The following ZNF48 variants were observed in gnomAD, a reference collection of about 807,000 sequenced individuals.
The protein encoded by ZNF48 is zinc finger protein 48.
Under a neutral mutation model 40.0 loss-of-function variants are expected in ZNF48, and 20 were observed. The observed-to-expected ratio is 0.50, with a 90% CI of 0.35 to 0.73. ZNF48 has a LOEUF of 0.73. Among genes scored for constraint, ZNF48 ranks in the 30% least tolerant of loss-of-function variants. ZNF48 has a pLI of 0.01. For missense variants in ZNF48, 726 were observed against 851.9 expected, an observed-to-expected ratio of 0.85 and a Z score of 1.84; for synonymous variants, 298 against 329.7, an observed-to-expected ratio of 0.90 and a Z score of 1.04.
chr16:30,378,541 G>A, intron 1 of ZNF48: 1 of 1,601,222 alleles, frequency 6.2e-7, no homozygotes, highest in Non-Finnish European at 8.5e-7. Context: ...CGAGATTGCA[G>A]GCGGTGACCT....
rs201797355 is a variant in ZNF48 at position 30,382,274 on chromosome 16, C to T, written c.-16+3864C>T. The T allele has an allele frequency of 5.3e-5, 85 of 1,613,548 alleles. No homozygotes were observed. The highest frequency in any genetic ancestry group is 6.6e-5 in the Non-Finnish European group (78 of 1,179,716). On this transcript the variant is annotated intron_variant, in intron 1 of 2. Transcript: ENST00000528032. This position sits in a 1 kb window ranked among gnomAD's most constrained non-coding sequence, Gnocchi z 4.8. The stretch of plus-strand genomic sequence containing the variant: ...CAGTTCCCTCTCCAAAACCCCCAGA[C>T]CTGCCACCATTAGCGTGAAGTCAAA...
chr16:30,378,847 A>AGAGAGG lies in ZNF48; in HGVS notation c.-16+439_-16+444dup, dbSNP rs1555499278. ...AGGGCCGGAGGCAAAGCGGGTGGGGAGAGAGGGGGAGAGAGGGAGAGACGG... is the reference window on the plus strand; with the variant it reads ...AGGGCCGGAGGCAAAGCGGGTGGGGAGAGAGGGAGAGGGGGAGAGAGGGAGAGACGG... On this transcript the variant is annotated intron_variant, in intron 1 of 2. Transcript: ENST00000528032. 4.3e-5 allele frequency: 23 copies of AGAGAGG among 531,108 alleles called. No homozygotes were observed. In the East Asian group the frequency reaches 6.1e-4, roughly 14 times the overall value. 32.9% of individuals were successfully genotyped at this position (531,108 alleles called of 1,614,324 possible).
chr16:30,395,686 C>T lies in ZNF48; in HGVS notation c.-15-94C>T, dbSNP rs2049976652. On this transcript the variant is annotated intron_variant, in intron 1 of 2. Coordinates refer to ENST00000613509, the MANE Select transcript of ZNF48 (RefSeq NM_001214909.2). This position sits in a 1 kb window ranked among gnomAD's most constrained non-coding sequence, Gnocchi z 5.9. Reference sequence around the variant, plus strand: ...CCCGTACCTGGGACCCGACGCCGCCCGGTGCCCGCGCTGGCCGGCAGAGGG... The same window carrying T: ...CCCGTACCTGGGACCCGACGCCGCCTGGTGCCCGCGCTGGCCGGCAGAGGG... 2.7e-6 allele frequency: 3 copies of T among 1,102,160 alleles called. No homozygotes were observed. The highest frequency in any genetic ancestry group is 3.4e-6 in the Non-Finnish European group (3 of 875,736). 68.3% of individuals were successfully genotyped at this position (1,102,160 alleles called of 1,614,324 possible).
At chr16:30,389,113 G>T (rs899411271) in intron 1 of ZNF48, among the ~76,000 whole-genome samples, 2 of 151,952 alleles carry the variant, frequency 1.3e-5, no homozygotes, top group Non-Finnish European at 2.9e-5. Flanking sequence ...ACAAAAATTG[G>T]CTGGGCACAG....
chr16:30,381,878 A>G lies in ZNF48; in HGVS notation c.-16+3468A>G, dbSNP rs771466781. On this transcript the variant is annotated intron_variant, in intron 1 of 2. Transcript: ENST00000528032. This position sits in a 1 kb window ranked among gnomAD's most constrained non-coding sequence, Gnocchi z 4.3. ...CGCTCAATGGCCAGGGTCTGTGTCA[A>G]GCGAGCTGTGGGATGGGGGAGAGGT... is the stretch of plus-strand genomic sequence containing the variant. The G allele has an allele frequency of 1.2e-6, 2 of 1,614,150 alleles. No individual in the cohort carries two copies. The highest frequency in any genetic ancestry group is 1.7e-6 in the Non-Finnish European group (2 of 1,180,010).
At chr16:30,379,970 C>T in intron 1 of ZNF48, 2 of 1,606,894 alleles carry the variant, frequency 1.2e-6, no homozygotes, top group Non-Finnish European at 8.5e-7. Flanking sequence ...TCTTCATCTT[C>T]ATCAGAGTCA....
At chr16:30,378,862 GGGAGAGAC>G (rs1198050052) in intron 1 of ZNF48, among the ~76,000 whole-genome samples, 1 of 144,126 alleles carries the variant, frequency 6.9e-6, no homozygotes, top group South Asian at 2.3e-4. Context: ...GGGGGAGAGA[GGGAGAGAC>G]GGAGAGAGGG....
intron 1 of ZNF48, among the ~76,000 whole-genome samples, chr16:30,386,421 C>G (rs984845427): frequency 2.0e-5 from 3 of 150,804 alleles, no homozygotes; most frequent in Non-Finnish European, 3.0e-5. Context: ...GCCTGTAATC[C>G]CAGCACTTTG....
chr16:30,395,346 G>T (rs138311011), upstream of ZNF48: 278 of 452,466 alleles, frequency 6.1e-4, 1 homozygote, highest in African/African-American at 4.6e-3. This position sits in a 1 kb window ranked among gnomAD's most constrained non-coding sequence, Gnocchi z 5.9. Flanking sequence ...GCCGACGCGG[G>T]CGACCCCCAC....
Position 30,381,351 on chromosome 16 carries a change from G to T in ZNF48, c.-16+2941G>T. ...CCCCCCACCAGACCCCCGGCCGAAG[G>T]GTGAGATGAAGTAGAGGCAGCAGTG... On this transcript the variant is annotated intron_variant, in intron 1 of 2. Transcript: ENST00000528032. This position sits in a 1 kb window ranked among gnomAD's most constrained non-coding sequence, Gnocchi z 4.3. The T allele has an allele frequency of 6.2e-7, 1 of 1,613,166 alleles. No individual in the cohort carries two copies. The highest frequency in any genetic ancestry group is 8.5e-7 in the Non-Finnish European group (1 of 1,179,588).
chr16:30,382,924 A>C lies in ZNF48; in HGVS notation c.-16+4514A>C. On this transcript the variant is annotated intron_variant, in intron 1 of 2. Transcript: ENST00000528032. This position sits in a 1 kb window ranked among gnomAD's most constrained non-coding sequence, Gnocchi z 4.8. ...CAAGGTGGCTCTCGCCTGTAATCTC[A>C]GCACTTTGGGAGGCGGAGGAGGGAG... is the stretch of plus-strand genomic sequence containing the variant. The C allele has an allele frequency of 7.6e-6, 6 of 788,928 alleles. No homozygotes were observed. Among genetic ancestry groups the C allele is most frequent in the Non-Finnish European group, 1.3e-5 (6 of 471,740 alleles). The allele number at this position is 788,928 out of a possible 1,614,324, so 48.9% of individuals were successfully genotyped here. A position where few individuals can be genotyped will look rare whatever the true frequency, so the allele number is the denominator to read the frequency against.
Position 30,395,988 on chromosome 16 carries a change from A to G in ZNF48, c.79+115A>G. ...TCGGACGTGAGCTGTGCCTCTGGGG[A>G]GATAGGGGGAGGGGAGCTTTCGGAG... On this transcript the variant is annotated intron_variant, in intron 2 of 2. Transcript: ENST00000613509. This position sits in a 1 kb window ranked among gnomAD's most constrained non-coding sequence, Gnocchi z 5.9. The G allele has an allele frequency of 8.9e-7, 1 of 1,128,528 alleles. No homozygotes were observed. Among genetic ancestry groups the G allele is most frequent in the South Asian group, 2.1e-5 (1 of 47,540 alleles). 69.9% of individuals were successfully genotyped at this position (1,128,528 alleles called of 1,614,324 possible).
chr16:30,398,290 T>G lies in ZNF48; in HGVS notation c.1040T>G (p.Val347Gly). Reference protein sequence around the residue: ...GKGFADSSARVKHLRTHSGER... With the variant: ...GKGFADSSARGKHLRTHSGER... ...GGTTTCGCGGACAGCTCCGCCCGAG[T>G]CAAACACCTCCGCACCCACAGTGGC... is the stretch of plus-strand genomic sequence containing the variant. The change falls in exon 3 of 3, where the codon GTC (valine) becomes GGC (glycine). Residue 347 changes from valine (V) to glycine (G), a missense_variant. Physicochemically the swap from Val to Gly is moderately radical, Grantham distance 109 (BLOSUM62 -3). Coordinates refer to ENST00000613509, the MANE Select transcript of ZNF48 (RefSeq NM_001214909.2). The surrounding 1 kb of genome is among the most constrained non-coding windows in gnomAD (Gnocchi z 6.6). 1 of 1,613,188 alleles carries G rather than the reference T, an allele frequency of 6.2e-7. No individual in the cohort carries two copies. The highest frequency in any genetic ancestry group is 8.5e-7 in the Non-Finnish European group (1 of 1,179,952).
Position 30,381,855 on chromosome 16 carries a change from C to T in ZNF48, c.-16+3445C>T. 6.2e-7 allele frequency: 1 copy of T among 1,614,226 alleles called. No homozygotes were observed. Among genetic ancestry groups the T allele is most frequent in the Non-Finnish European group, 8.5e-7 (1 of 1,180,034 alleles). Reference sequence around the variant, plus strand: ...CTTCCTCAATCTCTACGCCCCGGCGCTCAATGGCCAGGGTCTGTGTCAAGC... The same window carrying T: ...CTTCCTCAATCTCTACGCCCCGGCGTTCAATGGCCAGGGTCTGTGTCAAGC... On this transcript the variant is annotated intron_variant, in intron 1 of 2. Coordinates refer to the ZNF48 transcript ENST00000528032. The surrounding 1 kb of genome is among the most constrained non-coding windows in gnomAD (Gnocchi z 4.3).
intron 2 of ZNF48, among the ~76,000 whole-genome samples, chr16:30,396,370 A>G (rs1416269692): frequency 6.6e-6 from 1 of 152,156 alleles, no homozygotes; most frequent in Non-Finnish European, 1.5e-5. Context: ...GCTCTGCCGT[A>G]ATGCCGGTTC....
In ZNF48 at chr16:30,395,943, C is replaced by A; in HGVS notation, c.79+70C>A. On this transcript the variant is annotated intron_variant, in intron 2 of 2. Transcript: ENST00000613509. This position sits in a 1 kb window ranked among gnomAD's most constrained non-coding sequence, Gnocchi z 5.9. ...TGGGGACTGCGATGCTTGGCTGTGG[C>A]CGGCCGAGATCCTGGAAGATCGGAC... is the stretch of plus-strand genomic sequence containing the variant. The A allele has an allele frequency of 7.1e-7, 1 of 1,411,452 alleles. No individual in the cohort carries two copies. Among genetic ancestry groups the A allele is most frequent in the East Asian group, 2.7e-5 (1 of 36,388 alleles). 87.4% of individuals were successfully genotyped at this position (1,411,452 alleles called of 1,614,324 possible).
chr16:30,391,037 C>A (rs2049939154), upstream of ZNF48, among the ~76,000 whole-genome samples: 1 of 152,062 alleles, frequency 6.6e-6, no homozygotes, highest in Non-Finnish European at 1.5e-5. Flanking sequence ...CTGCGCCCGG[C>A]CGAATAAACT....
intron 1 of ZNF48, among the ~76,000 whole-genome samples, chr16:30,384,242 C>G (rs571771859): frequency 3.4e-5 from 5 of 148,452 alleles, no homozygotes; most frequent in African/African-American, 1.2e-4. Context: ...AACAAATCTA[C>G]CTCAGGACCG....
chr16:30,391,283 G>A (rs143008946), upstream of ZNF48, among the ~76,000 whole-genome samples: 539 of 152,038 alleles, frequency 3.5e-3, no homozygotes, highest in African/African-American at 0.011. Flanking sequence ...TCTGCCTCCC[G>A]GGTTCAAATG....
Sources: allele counts gnomAD v4.1 joint callset (sites outside exome capture counted in the v4.1 genomes callset), GRCh38; gene constraint gnomAD v4.1.1; non-coding constraint Gnocchi (gnomAD v3.1); transcripts MANE v1.5; gene names NCBI Gene and HGNC (gene_info 2026-07-23, HGNC 2026-07-21).